JAM3: variants seen among roughly 807,000 people sequenced by gnomAD.
The protein encoded by JAM3 is junctional adhesion molecule C.
In JAM3, 31 loss-of-function variants were observed where a neutral mutation model predicts 39.4. The ratio of observed to expected loss-of-function variants is 0.79; its 90% CI spans 0.59 to 1.06. The LOEUF (loss-of-function observed/expected upper bound fraction) is 1.06. Ranked by LOEUF, JAM3 falls within the 50% of genes least tolerant of loss-of-function variation. The pLI is 0.00. For synonymous variants in JAM3, 182 were observed against 148.7 expected (o/e 1.22, Z -1.63); for missense variants, 455 against 391.4 (o/e 1.16, Z -1.37).
At chr11:134,146,782 C>T (rs1943080567) in intron 6 of JAM3, among the ~76,000 whole-genome samples, 1 of 152,164 alleles carries the variant, frequency 6.6e-6, no homozygotes, top group Non-Finnish European at 1.5e-5. Context: ...CCAGGCTGGT[C>T]TCAAACTCCT....
intron 1 of JAM3, among the ~76,000 whole-genome samples, chr11:134,082,947 G>A (rs1297919166): frequency 6.6e-6 from 1 of 152,112 alleles, no homozygotes; most frequent in African/African-American, 2.4e-5. Context: ...AAAGCATTAT[G>A]TTATTCTCTT....
chr11:134,129,947 A>G (rs1223990474), intron 1 of JAM3, among the ~76,000 whole-genome samples: 5 of 152,090 alleles, frequency 3.3e-5, no homozygotes, highest in African/African-American at 1.2e-4. Flanking sequence ...AGTTGCAGTG[A>G]GCCGAGATCG....
chr11:134,108,061 C>T (rs917605428), intron 1 of JAM3, among the ~76,000 whole-genome samples: 2 of 151,824 alleles, frequency 1.3e-5, no homozygotes, highest in African/African-American at 2.4e-5. Flanking sequence ...CTCTACTAGA[C>T]TAATTGGGAA....
At chr11:134,123,630 C>T (rs1401464070) in intron 1 of JAM3, among the ~76,000 whole-genome samples, 1 of 152,208 alleles carries the variant, frequency 6.6e-6, no homozygotes, top group Non-Finnish European at 1.5e-5. Flanking sequence ...TTTCTCTTTT[C>T]TTAAACATTT....
intron 1 of JAM3, among the ~76,000 whole-genome samples, chr11:134,080,758 T>C (rs1019713395): frequency 1.2e-4 from 19 of 152,118 alleles, no homozygotes; most frequent in Non-Finnish European, 5.9e-5. Context: ...AGTGGGGCGC[T>C]ACTGAAAATA....
intron 1 of JAM3, among the ~76,000 whole-genome samples, chr11:134,132,898 A>T (rs973024423): frequency 1.3e-5 from 2 of 152,156 alleles, no homozygotes; most frequent in Non-Finnish European, 1.5e-5. Context: ...CTACTCTGGT[A>T]CTGGTGGTTC....
intron 1 of JAM3, among the ~76,000 whole-genome samples, chr11:134,116,271 T>A (rs910939570): frequency 6.6e-6 from 1 of 152,196 alleles, no homozygotes; most frequent in African/African-American, 2.4e-5. Context: ...ATATTGGCAG[T>A]CATTAGTGGA....
chr11:134,091,854 T>G (rs1941863782), intron 1 of JAM3, among the ~76,000 whole-genome samples: 1 of 150,142 alleles, frequency 6.7e-6, no homozygotes, highest in South Asian at 2.1e-4. Context: ...TTTTTTTTCT[T>G]TAACTGTAGG....
intron 1 of JAM3, among the ~76,000 whole-genome samples, chr11:134,108,565 T>C (rs1392346487): frequency 1.3e-5 from 2 of 152,152 alleles, no homozygotes; most frequent in Non-Finnish European, 2.9e-5. Context: ...AAGACCAAGT[T>C]CTGGCTGTTT....
At chr11:134,101,169 A>C (rs1017279288) in intron 1 of JAM3, among the ~76,000 whole-genome samples, 1 of 152,224 alleles carries the variant, frequency 6.6e-6, no homozygotes, top group African/African-American at 2.4e-5. Context: ...GGAGCAGTTT[A>C]ACAGTGATAC....
intron 1 of JAM3, among the ~76,000 whole-genome samples, chr11:134,104,178 A>C (rs889605841): frequency 6.6e-6 from 1 of 152,248 alleles, no homozygotes; most frequent in East Asian, 1.9e-4. Context: ...CAGTGCAATC[A>C]AACTAGAACT....
At chr11:134,071,002 T>C (rs1448172600) in intron 1 of JAM3, among the ~76,000 whole-genome samples, 1 of 152,212 alleles carries the variant, frequency 6.6e-6, no homozygotes, top group African/African-American at 2.4e-5. Context: ...TAGTAGGGGC[T>C]CTTTTTCCAT....
At chr11:134,122,569 C>T (rs750629062) in intron 1 of JAM3, among the ~76,000 whole-genome samples, 1 of 152,216 alleles carries the variant, frequency 6.6e-6, no homozygotes, top group African/African-American at 2.4e-5. Flanking sequence ...CGTTGCTTTT[C>T]TACCCTGTTA....
chr11:134,108,448 A>G (rs2120715907), intron 1 of JAM3, among the ~76,000 whole-genome samples: 1 of 152,346 alleles, frequency 6.6e-6, no homozygotes, highest in South Asian at 2.1e-4. Flanking sequence ...GGCCAGAATT[A>G]CCCTGATATC....
chr11:134,148,959 C>CACACAA, intron 8 of JAM3, 141 bp downstream of exon 8: 1 of 306,466 alleles, frequency 3.3e-6, no homozygotes, highest in Non-Finnish European at 5.4e-6. Context: ...CACAGTAACA[C>CACACAA]ACACACACAC....
At chr11:134,107,082 C>G (rs1049415920) in intron 1 of JAM3, among the ~76,000 whole-genome samples, 2 of 152,136 alleles carry the variant, frequency 1.3e-5, no homozygotes, top group African/African-American at 4.8e-5. Flanking sequence ...GGAACCAACC[C>G]AAATGTCCAT....
intron 8 of JAM3, 79 bp from the exon 9 acceptor site, chr11:134,149,067 C>G: frequency 6.6e-7 from 1 of 1,516,378 alleles, no homozygotes; most frequent in East Asian, 2.3e-5. Context: ...TGTATTTAGC[C>G]CATGTTAGAC....
At chr11:134,121,852 C>A (rs1565496371) in intron 1 of JAM3, among the ~76,000 whole-genome samples, 1 of 151,978 alleles carries the variant, frequency 6.6e-6, no homozygotes, top group Non-Finnish European at 1.5e-5. Context: ...CACACACACA[C>A]CCTCCTCCCA....
At chr11:134,139,989 GA>G in intron 2 of JAM3, 73 bp downstream of exon 2, 1 of 1,157,532 alleles carries the variant, frequency 8.6e-7, no homozygotes, top group Non-Finnish European at 1.3e-6. Context: ...GCCAACTCAG[GA>G]CACATCTGTC....
Sources: gnomAD v4.1 joint callset for allele counts (sites outside exome capture counted in the v4.1 genomes callset) on GRCh38, gnomAD v4.1.1 for gene constraint, MANE v1.5 for transcripts, NCBI Gene and HGNC (gene_info 2026-07-23, HGNC 2026-07-21) for gene names.